Variants in BTBD9 observed in about 807,000 individuals in gnomAD.
The protein encoded by BTBD9 is BTB/POZ domain-containing protein 9.
In BTBD9, 49 loss-of-function variants were observed where a neutral mutation model predicts 64.3. That is an observed-to-expected ratio of 0.76 (90% confidence interval 0.61 to 0.97). The LOEUF (loss-of-function observed/expected upper bound fraction) is 0.97. BTBD9 is among the 50% of genes least tolerant of loss of function. BTBD9 has a pLI of 0.00. For missense variants in BTBD9, 598 were observed against 762.1 expected, an observed-to-expected ratio of 0.78 and a Z score of 2.53; for synonymous variants, 260 against 274.7, an observed-to-expected ratio of 0.95 and a Z score of 0.53.
chr6:38,332,446 A>G (rs969111035), intron 7 of BTBD9, among the ~76,000 whole-genome samples: 3 of 152,182 alleles, frequency 2.0e-5, no homozygotes, highest in African/African-American at 7.2e-5. Context: ...TTTATCTCAC[A>G]TTATATTCTT....
At chr6:38,210,448 A>C (rs1294306487) in intron 9 of BTBD9, among the ~76,000 whole-genome samples, 2 of 152,040 alleles carry the variant, frequency 1.3e-5, no homozygotes, top group African/African-American at 4.8e-5. Context: ...AATGATTTTG[A>C]GTATCATGCA....
intron 9 of BTBD9, among the ~76,000 whole-genome samples, chr6:38,233,537 G>A (rs1030857220): frequency 1.3e-5 from 2 of 152,188 alleles, no homozygotes; most frequent in African/African-American, 4.8e-5. Context: ...AGAAAGCAAG[G>A]TTCTCTGCAG....
At chr6:38,631,791 G>A (rs1227033502) in intron 1 of BTBD9, among the ~76,000 whole-genome samples, 2 of 152,190 alleles carry the variant, frequency 1.3e-5, no homozygotes, top group Admixed American at 6.5e-5. Context: ...ACCCAGCTAC[G>A]CTGGTTCTGA....
intron 6 of BTBD9, among the ~76,000 whole-genome samples, chr6:38,521,573 G>C (rs1773273156): frequency 6.6e-6 from 1 of 152,188 alleles, no homozygotes; most frequent in African/African-American, 2.4e-5. Context: ...AAAAGTTTCA[G>C]ATTAGGAAGC....
chr6:38,338,830 A>T (rs1353416052), intron 7 of BTBD9, among the ~76,000 whole-genome samples: 1 of 152,172 alleles, frequency 6.6e-6, no homozygotes, highest in Non-Finnish European at 1.5e-5. Flanking sequence ...AAAAAGAAAA[A>T]AGGGAATGCA....
At chr6:38,439,289 A>G (rs184161359) in intron 6 of BTBD9, among the ~76,000 whole-genome samples, 1 of 150,954 alleles carries the variant, frequency 6.6e-6, no homozygotes, top group African/African-American at 2.4e-5. Flanking sequence ...ATGCCCAGCT[A>G]ATTTTTTTTT....
chr6:38,257,444 AC>A (rs1191426502), intron 8 of BTBD9, among the ~76,000 whole-genome samples: 1 of 151,802 alleles, frequency 6.6e-6, no homozygotes. Context: ...TGATCCTCCC[AC>A]CTCAGCCTCC....
intron 6 of BTBD9, among the ~76,000 whole-genome samples, chr6:38,421,070 T>C (rs796235316): frequency 1.5e-4 from 6 of 39,576 alleles, no homozygotes; most frequent in African/African-American, 3.7e-4. Flanking sequence ...AATAAAAATG[T>C]ATAGGGCTGG....
chr6:38,417,379 T>C (rs1411785795), intron 6 of BTBD9, among the ~76,000 whole-genome samples: 6 of 152,236 alleles, frequency 3.9e-5, no homozygotes, highest in East Asian at 1.9e-4. Flanking sequence ...AATTCACATG[T>C]AAAAGTTAAC....
intron 6 of BTBD9, among the ~76,000 whole-genome samples, chr6:38,447,183 A>C (rs1014460926): frequency 5.3e-5 from 8 of 152,210 alleles, no homozygotes; most frequent in African/African-American, 1.9e-4. Flanking sequence ...CTGAAAGAAA[A>C]TGTTGCAGCA....
At chr6:38,266,392 G>A (rs529342824) in intron 8 of BTBD9, among the ~76,000 whole-genome samples, 117 of 152,058 alleles carry the variant, frequency 7.7e-4, no homozygotes, top group Non-Finnish European at 1.3e-3. Flanking sequence ...GGGCAACATG[G>A]GGAAACCCCA....
In BTBD9 at chr6:38,337,737, C is replaced by T. The variant is rs1229438758; in HGVS notation, c.1264+7247G>A. On this transcript the variant is annotated intron_variant, in intron 7 of 10. Transcript: ENST00000481247. Reference sequence around the variant, plus strand: ...AGCCCCCTTTACAGTGCCTGTCTTCCGGTCTTTGTGCCAGGAATCTGTTTT... The same window carrying T: ...AGCCCCCTTTACAGTGCCTGTCTTCTGGTCTTTGTGCCAGGAATCTGTTTT... 3.9e-5 allele frequency among the ~76,000 whole-genome samples: 6 copies of T among 152,262 alleles called. No individual in the cohort carries two copies. The South Asian group carries it at 8.3e-4, about 21-fold the overall frequency.
At chr6:38,626,681 A>G (rs912214432) in intron 1 of BTBD9, among the ~76,000 whole-genome samples, 1 of 152,252 alleles carries the variant, frequency 6.6e-6, no homozygotes, top group African/African-American at 2.4e-5. Context: ...TTTATATGGA[A>G]TAAGTTAGAA....
At chr6:38,413,202 A>AG (rs1270419383) in intron 6 of BTBD9, among the ~76,000 whole-genome samples, 1 of 152,126 alleles carries the variant, frequency 6.6e-6, no homozygotes, top group African/African-American at 2.4e-5. Flanking sequence ...TCCCAAACTT[A>AG]GACTCCTCTT....
At chr6:38,527,263 C>CAAAAAAAAAAAAAGAAAAAAAAAA (rs1773547572) in intron 6 of BTBD9, among the ~76,000 whole-genome samples, 1 of 53,306 alleles carries the variant, frequency 1.9e-5, no homozygotes, top group Non-Finnish European at 3.0e-5. Context: ...GACTCTGTCT[C>CAAAAAAAAAAAAAGAAAAAAAAAA]AAAAAAAAAA....
At chr6:38,326,379 G>A (rs1052034492) in intron 7 of BTBD9, among the ~76,000 whole-genome samples, 1 of 152,164 alleles carries the variant, frequency 6.6e-6, no homozygotes, top group Non-Finnish European at 1.5e-5. Flanking sequence ...AAGATTTTGA[G>A]CTTTCTCCTG....
At chr6:38,568,400 A>T (rs1426821470) in intron 6 of BTBD9, among the ~76,000 whole-genome samples, 2 of 152,198 alleles carry the variant, frequency 1.3e-5, no homozygotes, top group Admixed American at 1.3e-4. Context: ...TATTCACTTT[A>T]GAAGCTGGAT....
intron 6 of BTBD9, among the ~76,000 whole-genome samples, chr6:38,524,041 C>T (rs1448688705): frequency 6.6e-6 from 1 of 152,164 alleles, no homozygotes; most frequent in Non-Finnish European, 1.5e-5. Context: ...ATACTTATGT[C>T]TTTTCTCCCC....
At chr6:38,252,674 T>C (rs1296577540) in intron 9 of BTBD9, among the ~76,000 whole-genome samples, 1 of 152,232 alleles carries the variant, frequency 6.6e-6, no homozygotes, top group Non-Finnish European at 1.5e-5. Flanking sequence ...AAAAAGATGT[T>C]GGTAATTTAA....
Sources: allele counts gnomAD v4.1 joint callset (sites outside exome capture counted in the v4.1 genomes callset), GRCh38; gene constraint gnomAD v4.1.1; transcripts MANE v1.5; gene names NCBI Gene and HGNC (gene_info 2026-07-23, HGNC 2026-07-21).